DLC1: variants seen among roughly 807,000 people sequenced by gnomAD.
The protein encoded by DLC1 is DLC1 Rho GTPase activating protein.
Under a neutral mutation model 140.3 loss-of-function variants are expected in DLC1, and 54 were observed. That is an observed-to-expected ratio of 0.38 (90% confidence interval 0.31 to 0.48). The LOEUF is 0.48. DLC1 is among the 20% of genes least tolerant of loss of function. The probability of loss-of-function intolerance (pLI) is 0.96; values close to 1 mark genes in which losing one functional copy is unlikely to be tolerated. For missense variants in DLC1, 2,536 were observed against 1,907.0 expected (o/e 1.33, Z -6.14); for synonymous variants, 986 against 728.1 (o/e 1.35, Z -5.70).
chr8:13,099,500 G>A lies in DLC1; in HGVS notation c.2837C>T (p.Ser946Phe). ...ALDSVSPCPS[S>F]PKQIHLDVDN... ...CACATCCAGGTGTATCTGTTTTGGA[G>A]AGGACGGGCAGGGAGAGACCGAGTC... is the stretch of plus-strand genomic sequence containing the variant. The change falls in exon 9 of 18, where the codon TCT becomes TTT. Residue 946 changes from serine (S) to phenylalanine (F), a missense_variant. Ser to Phe is a radical substitution (Grantham distance 155). Transcript: ENST00000276297. 1 of 1,614,198 alleles carries A rather than the reference G, an allele frequency of 6.2e-7. No homozygotes were observed. The highest frequency in any genetic ancestry group is 2.2e-5 in the East Asian group (1 of 44,872).
chr8:13,298,695 A>T (rs1209699739), intron 5 of DLC1, among the ~76,000 whole-genome samples: 1 of 152,182 alleles, frequency 6.6e-6, no homozygotes, highest in Non-Finnish European at 1.5e-5. Flanking sequence ...AAGAAGTGAT[A>T]TTATTGTTGG....
chr8:13,460,492 C>A (rs1424547945), intron 2 of DLC1, among the ~76,000 whole-genome samples: 1 of 152,190 alleles, frequency 6.6e-6, no homozygotes, highest in Non-Finnish European at 1.5e-5. Flanking sequence ...AAATCCATCT[C>A]CATCCTGGAA....
At chr8:13,098,193 G>T (rs1004151838) in intron 10 of DLC1, among the ~76,000 whole-genome samples, 4 of 151,920 alleles carry the variant, frequency 2.6e-5, no homozygotes, top group African/African-American at 9.7e-5. Context: ...CCACTGCACC[G>T]CACTCCAGCC....
At chr8:13,349,641 C>G (rs915245716) in intron 4 of DLC1, among the ~76,000 whole-genome samples, 17 of 152,124 alleles carry the variant, frequency 1.1e-4, no homozygotes, top group African/African-American at 4.1e-4. Context: ...AAACATATAG[C>G]CAGAGCTCAC....
At chr8:13,419,607 C>T (rs959230400) in intron 2 of DLC1, among the ~76,000 whole-genome samples, 8 of 152,164 alleles carry the variant, frequency 5.3e-5, no homozygotes, top group Admixed American at 4.6e-4. Context: ...CTGCTGCATT[C>T]TGTTTGCCAG....
At chr8:13,174,475 C>G (rs1331421251) in intron 5 of DLC1, among the ~76,000 whole-genome samples, 1 of 152,200 alleles carries the variant, frequency 6.6e-6, no homozygotes, top group Non-Finnish European at 1.5e-5. Flanking sequence ...AAGGTACATT[C>G]CTACCAACAT....
At chr8:13,301,555 T>C (rs1159311158) in intron 5 of DLC1, among the ~76,000 whole-genome samples, 1 of 152,174 alleles carries the variant, frequency 6.6e-6, no homozygotes, top group Non-Finnish European at 1.5e-5. Flanking sequence ...GTTCTGGAAA[T>C]GAGGGAGATG....
intron 1 of DLC1, among the ~76,000 whole-genome samples, chr8:13,591,943 T>C (rs998845654): frequency 1.3e-5 from 2 of 152,060 alleles, no homozygotes; most frequent in African/African-American, 4.8e-5. Context: ...CCTTGGATAT[T>C]CTTGTGGAGT....
rs149416441 is a variant in DLC1 at position 13,264,565 on chromosome 8, G to C, written c.1348+40704C>G. On this transcript the variant is annotated intron_variant, in intron 5 of 17. Coordinates refer to ENST00000276297, the MANE Select transcript of DLC1 (RefSeq NM_182643.3). ...GAGAGTGATTAAACTCTAAGTTCAG[G>C]ACTGGAGAACTTCAGGGGGAGCGGG... Among the ~76,000 whole-genome samples, 934 of 152,220 alleles carry C rather than the reference G, an allele frequency of 6.1e-3. 14 individuals are homozygous for C. The highest frequency in any genetic ancestry group is 0.021 in the African/African-American group (891 of 41,518).
intron 4 of DLC1, among the ~76,000 whole-genome samples, chr8:13,309,832 C>G (rs990575468): frequency 1.3e-5 from 2 of 152,128 alleles, no homozygotes; most frequent in Non-Finnish European, 2.9e-5. Flanking sequence ...AATTGACAAT[C>G]TGAATGTCTT....
chr8:13,544,723 A>C (rs1270243511), intron 1 of DLC1, among the ~76,000 whole-genome samples: 1 of 152,242 alleles, frequency 6.6e-6, no homozygotes, highest in Non-Finnish European at 1.5e-5. Context: ...CTGTTTAACA[A>C]GGCATGAAAA....
intron 5 of DLC1, among the ~76,000 whole-genome samples, chr8:13,148,855 C>G (rs989886198): frequency 6.6e-6 from 1 of 152,046 alleles, no homozygotes; most frequent in Non-Finnish European, 1.5e-5. Flanking sequence ...TGCAGTGGCG[C>G]GATCTTGGCT....
At chr8:13,467,354 G>A (rs1017888779) in intron 2 of DLC1, among the ~76,000 whole-genome samples, 9 of 151,780 alleles carry the variant, frequency 5.9e-5, no homozygotes, top group Non-Finnish European at 1.3e-4. Context: ...ATTTGTTAGA[G>A]TTTTCTCTTC....
upstream of DLC1, among the ~76,000 whole-genome samples, chr8:13,518,334 C>T (rs1213432919): frequency 1.3e-5 from 2 of 152,280 alleles, no homozygotes; most frequent in East Asian, 1.9e-4. Flanking sequence ...GTCTTAAACT[C>T]CTGACCTCAA....
At chr8:13,307,573 C>T (rs1040669952) in intron 4 of DLC1, among the ~76,000 whole-genome samples, 1 of 152,188 alleles carries the variant, frequency 6.6e-6, no homozygotes, top group African/African-American at 2.4e-5. Flanking sequence ...AATACATTCG[C>T]TCTTTTGTGA....
At chr8:13,319,527 C>A (rs1242767088) in intron 4 of DLC1, among the ~76,000 whole-genome samples, 1 of 149,830 alleles carries the variant, frequency 6.7e-6, no homozygotes, top group Non-Finnish European at 1.5e-5. Flanking sequence ...TGAGTGAGTT[C>A]TTACAAAATC....
chr8:13,165,922 T>G (rs1825073375), intron 5 of DLC1, among the ~76,000 whole-genome samples: 2 of 152,092 alleles, frequency 1.3e-5, no homozygotes. Flanking sequence ...TGGGAAAGTG[T>G]TTAATCCAGG....
At chr8:13,269,258 A>G (rs111889352) in intron 5 of DLC1, among the ~76,000 whole-genome samples, 18 of 152,268 alleles carry the variant, frequency 1.2e-4, no homozygotes, top group African/African-American at 3.6e-4. Flanking sequence ...GAGTTTGACA[A>G]TTATGGGGCT....
chr8:13,380,096 C>G (rs66757903), intron 4 of DLC1, among the ~76,000 whole-genome samples: 21,754 of 152,080 alleles, frequency 0.14, 1,675 homozygotes, highest in Non-Finnish European at 0.17. Flanking sequence ...TCCTCACCAC[C>G]ACTCCCATAA....
Sources: allele counts gnomAD v4.1 joint callset (sites outside exome capture counted in the v4.1 genomes callset), GRCh38; gene constraint gnomAD v4.1.1; transcripts MANE v1.5; gene names NCBI Gene and HGNC (gene_info 2026-07-23, HGNC 2026-07-21).